PRICKLE2: variants seen among roughly 807,000 people sequenced by gnomAD.
The protein encoded by PRICKLE2 is prickle-like protein 2.
PRICKLE2 carries 21 observed loss-of-function variants against 81.4 expected under a neutral mutation model. The observed-to-expected ratio is 0.26, with a 90% CI of 0.18 to 0.37. The LOEUF (loss-of-function observed/expected upper bound fraction) is 0.37. PRICKLE2 is among the 10% of genes least tolerant of loss of function. The probability of loss-of-function intolerance (pLI) is 1.00; values close to 1 mark genes in which losing one functional copy is unlikely to be tolerated. For synonymous variants in PRICKLE2, 456 were observed against 421.5 expected (o/e 1.08, Z -1.00); for missense variants, 940 against 1,109.0 (o/e 0.85, Z 2.16).
chr3:64,163,668 T>G (rs970336633), intron 2 of PRICKLE2: 1 of 174,336 alleles, frequency 5.7e-6, no homozygotes, highest in African/African-American at 2.4e-5. Flanking sequence ...AGAAATAGAC[T>G]CACTAAATCT....
At position 64,175,911 on chromosome 3, in the gene PRICKLE2, G is replaced by A. The variant is rs556454621; in HGVS notation, c.145-12782C>T. Among the ~76,000 whole-genome samples the A allele has an allele frequency of 2.6e-5, 4 of 152,140 alleles. No homozygotes were observed. In the East Asian group the frequency reaches 7.7e-4, roughly 29 times the overall value. On this transcript the variant is annotated intron_variant, in intron 2 of 7. Coordinates refer to ENST00000638394, the MANE Select transcript of PRICKLE2 (RefSeq NM_198859.4). ...TTTGGGCTGCTAGTAATCATGACCC[G>A]AGAATAGTGGCCTAGGACTGGTTTG...
intron 2 of PRICKLE2, among the ~76,000 whole-genome samples, chr3:64,249,286 A>T (rs1268259158): frequency 2.0e-5 from 3 of 152,124 alleles, no homozygotes. Context: ...AAACCATCAT[A>T]TCTCATGAGA....
chr3:64,124,178 C>T (rs1177519569), intron 7 of PRICKLE2, among the ~76,000 whole-genome samples: 1 of 152,230 alleles, frequency 6.6e-6, no homozygotes, highest in Admixed American at 6.5e-5. Context: ...CAGCCCACAA[C>T]ATTCCTTTAA....
intron 2 of PRICKLE2, among the ~76,000 whole-genome samples, chr3:64,253,949 C>T (rs1047849428): frequency 6.6e-6 from 1 of 152,144 alleles, no homozygotes; most frequent in Admixed American, 6.5e-5. Flanking sequence ...TCTCTGAAAC[C>T]TCAACAAAGT....
At chr3:64,197,794 C>A (rs60043233) in intron 2 of PRICKLE2, among the ~76,000 whole-genome samples, 14,216 of 151,982 alleles carry the variant, frequency 0.094, 1,486 homozygotes, top group African/African-American at 0.26. Flanking sequence ...ACAACAAACT[C>A]CCATGACACC....
At chr3:64,180,063 T>C (rs569052688) in intron 2 of PRICKLE2, among the ~76,000 whole-genome samples, 4 of 152,322 alleles carry the variant, frequency 2.6e-5, no homozygotes, top group East Asian at 1.9e-4. Context: ...ATGGATCAGT[T>C]TGAACTCCAA....
intron 2 of PRICKLE2, among the ~76,000 whole-genome samples, chr3:64,239,468 C>T (rs1266013377): frequency 6.6e-6 from 1 of 152,168 alleles, no homozygotes; most frequent in Non-Finnish European, 1.5e-5. Flanking sequence ...AGATGCTTCC[C>T]GGAGGGATCC....
At chr3:64,214,573 A>G (rs1002565257) in intron 1 of PRICKLE2, among the ~76,000 whole-genome samples, 1 of 152,190 alleles carries the variant, frequency 6.6e-6, no homozygotes, top group African/African-American at 2.4e-5. Flanking sequence ...GTTCTGAGCT[A>G]CAACTCGCTT....
Position 64,120,209 on chromosome 3 carries a change from G to A in PRICKLE2, c.1661-20284C>T, listed in dbSNP as rs113259729. 5.9e-3 allele frequency among the ~76,000 whole-genome samples: 905 copies of A among 152,210 alleles called. 10 individuals carry two copies. Among genetic ancestry groups the A allele is most frequent in the African/African-American group, 0.021 (875 of 41,528 alleles). On this transcript the variant is annotated intron_variant, in intron 7 of 7. Transcript: ENST00000638394. ...TGTACCCCCTGAATCTAAAATAAAA[G>A]TTGAAATTATAAGAAAAAGTCAACT...
chr3:64,263,256 T>C (rs1007329213), intron 2 of PRICKLE2, among the ~76,000 whole-genome samples: 8 of 152,240 alleles, frequency 5.3e-5, no homozygotes, highest in Non-Finnish European at 1.2e-4. Context: ...AAGTGCCTTC[T>C]TGGACATTAC....
Position 64,092,279 on chromosome 3 carries a change from G to GTCTT in PRICKLE2, c.*6768_*6771dup, listed in dbSNP as rs1156790829. The GTCTT allele has an allele frequency of 9.2e-5, 14 of 152,296 alleles. No individual in the cohort carries two copies. Among genetic ancestry groups the GTCTT allele is most frequent in the Admixed American group, 8.5e-4 (13 of 15,292 alleles). 9.4% of individuals were successfully genotyped at this position (152,296 alleles called of 1,614,324 possible). ...GTTTTTATTCAAAAGCTCTTAGAAT[G>GTCTT]TCTTACAATGAAACAACTCTTGTTG... On this transcript the variant is annotated 3_prime_UTR_variant, in exon 8 of 8. Coordinates refer to ENST00000638394, the MANE Select transcript of PRICKLE2 (RefSeq NM_198859.4).
intron 4 of PRICKLE2, among the ~76,000 whole-genome samples, chr3:64,158,472 T>C (rs2077674790): frequency 6.6e-6 from 1 of 152,230 alleles, no homozygotes; most frequent in Admixed American, 6.5e-5. Flanking sequence ...ATTCTATAGA[T>C]GACAAAACCA....
rs1219017616 is a variant in PRICKLE2 at position 64,099,545 on chromosome 3, G to A, written c.2041C>T (p.Arg681Cys). ...RRATSRDDNR[R>C]FRPHRSRRSR... ...CGCCTGGACCTGTGAGGTCGGAAAC[G>A]GCGGTTGTCGTCGCGTGAAGTAGCT... is the stretch of plus-strand genomic sequence containing the variant. Residue 681 changes from arginine to cysteine, a missense_variant, in exon 8 of 8, where the codon CGT becomes TGT. Around this residue, in one of 2 missense-constraint regions of PRICKLE2, gnomAD observed 670 missense variants for 717.2 expected, o/e 0.93. Transcript: ENST00000638394. The surrounding 1 kb of genome is among the most constrained non-coding windows in gnomAD (Gnocchi z 4.3). The A allele has an allele frequency of 1.2e-6, 2 of 1,608,518 alleles. No homozygotes were observed. The highest frequency in any genetic ancestry group is 2.7e-5 in the African/African-American group (2 of 74,854).
chr3:64,231,633 G>A (rs1303130486), intron 2 of PRICKLE2, among the ~76,000 whole-genome samples: 1 of 152,108 alleles, frequency 6.6e-6, no homozygotes, highest in African/African-American at 2.4e-5. Context: ...GTAGCAAACT[G>A]GCAACAAAGA....
chr3:64,146,730 G>C, intron 7 of PRICKLE2, 100 bp downstream of exon 7: 2 of 1,332,024 alleles, frequency 1.5e-6, no homozygotes, highest in Non-Finnish European at 2.1e-6. Context: ...GGGACAGAGC[G>C]AGACTCCATT....
At chr3:64,156,368 T>C (rs1214117641) in intron 5 of PRICKLE2, among the ~76,000 whole-genome samples, 1 of 152,212 alleles carries the variant, frequency 6.6e-6, no homozygotes, top group Non-Finnish European at 1.5e-5. Context: ...CCTCCCACAC[T>C]GCTATTTACA....
chr3:64,179,723 T>C (rs926398651), intron 2 of PRICKLE2, among the ~76,000 whole-genome samples: 5 of 152,208 alleles, frequency 3.3e-5, no homozygotes, highest in Non-Finnish European at 7.3e-5. Context: ...GCCGCAAGTA[T>C]TGATTTTGGG....
chr3:64,140,383 T>TC (rs1187731895), intron 7 of PRICKLE2, among the ~76,000 whole-genome samples: 3 of 152,174 alleles, frequency 2.0e-5, no homozygotes, highest in Non-Finnish European at 4.4e-5. Context: ...AAACGTTGTT[T>TC]CCCCTTCCCT....
At chr3:64,107,830 T>C (rs2076780331) in intron 7 of PRICKLE2, among the ~76,000 whole-genome samples, 1 of 152,232 alleles carries the variant, frequency 6.6e-6, no homozygotes, top group Non-Finnish European at 1.5e-5. Context: ...TTTTTAAGCA[T>C]TCATATTTCA....
Sources: gnomAD v4.1 joint callset for allele counts (sites outside exome capture counted in the v4.1 genomes callset) on GRCh38, gnomAD v4.1.1 for gene constraint, gnomAD v4.1.1 regional missense constraint, Gnocchi (gnomAD v3.1) non-coding constraint, MANE v1.5 for transcripts, NCBI Gene and HGNC (gene_info 2026-07-23, HGNC 2026-07-21) for gene names.